FBXO21: variants seen among roughly 807,000 people sequenced by gnomAD.
The protein encoded by FBXO21 is F-box protein 21.
Under a neutral mutation model 76.6 loss-of-function variants are expected in FBXO21, and 32 were observed. The observed-to-expected ratio is 0.42, with a 90% CI of 0.32 to 0.56. The LOEUF (loss-of-function observed/expected upper bound fraction) is 0.56, where lower values mean the gene tolerates loss of function less well. Ranked by LOEUF, FBXO21 falls within the 20% of genes least tolerant of loss-of-function variation. The probability of loss-of-function intolerance (pLI) is 0.16; values close to 1 mark genes in which losing one functional copy is unlikely to be tolerated. For synonymous variants in FBXO21, 328 were observed against 311.5 expected, an observed-to-expected ratio of 1.05 and a Z score of -0.56; for missense variants, 586 against 797.3, an observed-to-expected ratio of 0.73 and a Z score of 3.19.
chr12:117,181,604 T>TCTATCTATCTAC (rs1353729480), intron 3 of FBXO21, among the ~76,000 whole-genome samples: 310 of 87,220 alleles, frequency 3.6e-3, no homozygotes, highest in African/African-American at 0.023. Flanking sequence ...AGACAGTCTA[T>TCTATCTATCTAC]CTATCTATCT....
intron 10 of FBXO21, among the ~76,000 whole-genome samples, chr12:117,157,163 C>A (rs1295075278): frequency 6.8e-6 from 1 of 146,408 alleles, no homozygotes; most frequent in African/African-American, 2.6e-5. Context: ...GCCTGGGCAA[C>A]AGACCCAGAC....
chr12:117,190,378 G>A lies in FBXO21; in HGVS notation c.79C>T (p.Leu27Phe), dbSNP rs759574245. 4 of 1,512,844 alleles carry A rather than the reference G, an allele frequency of 2.6e-6. No homozygotes were observed. Among genetic ancestry groups the A allele is most frequent in the East Asian group, 2.8e-5 (1 of 35,986 alleles). 93.7% of individuals were successfully genotyped at this position (1,512,844 alleles called of 1,614,324 possible). ...CCCGGCAGGTTGACGAGGCAGCTGA[G>A]GCCCGCTACCTCCGGCGCGGCCTCC... ...AEEAAPEVAG[L>F]SCLVNLPGEV... is the part of the protein sequence containing the mutation. Residue 27 changes from leucine to phenylalanine, a missense_variant, in exon 1 of 12, where the codon CTC becomes TTC. Physicochemically the swap from Leu to Phe is conservative, Grantham distance 22. Around this residue, in one of 6 missense-constraint regions of FBXO21, gnomAD observed 152 missense variants for 127.2 expected, o/e 1.19. Coordinates refer to ENST00000622495, the MANE Select transcript of FBXO21 (RefSeq NM_015002.3).
chr12:117,159,722 A>T (rs1456217155), intron 9 of FBXO21, among the ~76,000 whole-genome samples: 1 of 152,110 alleles, frequency 6.6e-6, no homozygotes, highest in East Asian at 1.9e-4. Flanking sequence ...AAGAGTACCA[A>T]CAAGCCGCTT....
chr12:117,175,943 ATTC>A (rs1333006758), intron 4 of FBXO21, among the ~76,000 whole-genome samples: 1 of 152,244 alleles, frequency 6.6e-6, no homozygotes, highest in African/African-American at 2.4e-5. Context: ...AAAATATACT[ATTC>A]TTAACTGTGA....
Position 117,190,434 on chromosome 12 carries a change from C to A in FBXO21, c.23G>T (p.Ser8Ile), listed in dbSNP as rs771501371. 20 of 1,409,860 alleles carry A rather than the reference C, an allele frequency of 1.4e-5. No individual in the cohort carries two copies. The highest frequency in any genetic ancestry group is 7.6e-6 in the Non-Finnish European group (8 of 1,059,526). 87.3% of individuals were successfully genotyped at this position (1,409,860 alleles called of 1,614,324 possible). Reference sequence around the variant, plus strand: ...CAGCGCCGGCACCACCTCCATCGCGCTGTCGACTGCTGCCGCCGCCATCTT... The same window carrying A: ...CAGCGCCGGCACCACCTCCATCGCGATGTCGACTGCTGCCGCCGCCATCTT... The part of the protein sequence containing the change: MAAAAVD[S>I]AMEVVPALAE... The change falls in exon 1 of 12, where the codon AGC becomes ATC. Residue 8 changes from serine (S) to isoleucine (I), a missense_variant. Physicochemically the swap from Ser to Ile is moderately radical, Grantham distance 142. Transcript: ENST00000622495.
At chr12:117,167,586 A>G (rs1956067921) in intron 7 of FBXO21, among the ~76,000 whole-genome samples, 1 of 152,068 alleles carries the variant, frequency 6.6e-6, no homozygotes, top group South Asian at 2.1e-4. Flanking sequence ...GGTCTCTACA[A>G]AAAAATTGGC....
intron 11 of FBXO21, among the ~76,000 whole-genome samples, chr12:117,149,942 G>A (rs965133089): frequency 6.6e-6 from 1 of 152,144 alleles, no homozygotes; most frequent in Non-Finnish European, 1.5e-5. Flanking sequence ...AGGAACGGTG[G>A]GAAACCAGGC....
intron 9 of FBXO21, among the ~76,000 whole-genome samples, chr12:117,162,803 G>A (rs935354659): frequency 6.6e-6 from 1 of 152,156 alleles, no homozygotes; most frequent in Non-Finnish European, 1.5e-5. Flanking sequence ...CATCAGCATA[G>A]AAATCCGTGC....
intron 6 of FBXO21, among the ~76,000 whole-genome samples, chr12:117,173,966 A>T (rs1198744448): frequency 6.6e-6 from 1 of 152,140 alleles, no homozygotes; most frequent in Non-Finnish European, 1.5e-5. Flanking sequence ...CAACATAGCA[A>T]GACCTCATTT....
At chr12:117,166,611 TAGAAAC>T (rs1956056578) in intron 8 of FBXO21, among the ~76,000 whole-genome samples, 1 of 152,228 alleles carries the variant, frequency 6.6e-6, no homozygotes, top group Admixed American at 6.5e-5. Flanking sequence ...TTCTTGGACT[TAGAAAC>T]AAGACAGTTT....
chr12:117,184,015 T>C (rs189915896), intron 3 of FBXO21, among the ~76,000 whole-genome samples: 7 of 152,256 alleles, frequency 4.6e-5, no homozygotes, highest in Admixed American at 2.6e-4. Context: ...CTGATGCAGC[T>C]ATTTTTATTG....
intron 9 of FBXO21, among the ~76,000 whole-genome samples, chr12:117,159,347 G>C (rs1955951813): frequency 6.6e-6 from 1 of 151,230 alleles, no homozygotes; most frequent in Admixed American, 6.6e-5. Flanking sequence ...GCCACTTCCC[G>C]AACAGGACTC....
At chr12:117,181,146 C>A (rs1046788557) in intron 3 of FBXO21, among the ~76,000 whole-genome samples, 3 of 151,730 alleles carry the variant, frequency 2.0e-5, no homozygotes, top group Non-Finnish European at 4.4e-5. Context: ...TTTTTTGGGG[C>A]GGGGAGTGGT....
chr12:117,170,820 CT>C (rs1285062395), intron 7 of FBXO21, among the ~76,000 whole-genome samples: 1 of 152,124 alleles, frequency 6.6e-6, no homozygotes, highest in Non-Finnish European at 1.5e-5. Flanking sequence ...GTACAGAAAT[CT>C]TTGGTGGATT....
chr12:117,164,975 G>A (rs1305242715), intron 9 of FBXO21, among the ~76,000 whole-genome samples: 1 of 152,146 alleles, frequency 6.6e-6, no homozygotes, highest in Non-Finnish European at 1.5e-5. Flanking sequence ...TGCCCAAAGG[G>A]GGCCATTAAA....
At chr12:117,155,594 T>C (rs766217459) in intron 11 of FBXO21, 197 bp downstream of exon 11, 6 of 637,308 alleles carry the variant, frequency 9.4e-6, no homozygotes, top group African/African-American at 1.8e-5. Flanking sequence ...GTATGACTAC[T>C]GACCCCTCGC....
At position 117,157,852 on chromosome 12, in the gene FBXO21, C is replaced by T. The variant is rs775916427; in HGVS notation, c.1517+21G>A. The stretch of plus-strand genomic sequence containing the variant: ...CCCCTCTGGAACGGACACTGCAGGA[C>T]AGATGATCCCGGGCACTCACCTCTT... On this transcript the variant is annotated intron_variant, in intron 10 of 11. Transcript: ENST00000622495. 2.5e-6 allele frequency: 4 copies of T among 1,576,232 alleles called. No individual in the cohort carries two copies. In the Admixed American group the frequency reaches 5.1e-5, roughly 20 times the overall value.
chr12:117,165,964 C>T (rs545216262), intron 8 of FBXO21, among the ~76,000 whole-genome samples: 17 of 152,000 alleles, frequency 1.1e-4, no homozygotes, highest in African/African-American at 7.2e-5. Flanking sequence ...CCAAGGCGGG[C>T]GGATCACCTG....
At chr12:117,162,551 C>T (rs1173856798) in intron 9 of FBXO21, among the ~76,000 whole-genome samples, 2 of 152,176 alleles carry the variant, frequency 1.3e-5, no homozygotes, top group South Asian at 4.1e-4. Flanking sequence ...TCTCACCATC[C>T]CGCCCTCTCT....
Sources: allele counts gnomAD v4.1 joint callset (sites outside exome capture counted in the v4.1 genomes callset), GRCh38; gene constraint gnomAD v4.1.1; regional missense constraint gnomAD v4.1.1; transcripts MANE v1.5; gene names NCBI Gene and HGNC (gene_info 2026-07-23, HGNC 2026-07-21).